Variants in KHDRBS2 observed in about 807,000 individuals in gnomAD.
The protein encoded by KHDRBS2 is KH domain-containing, RNA-binding, signal transduction-associated protein 2.
Under a neutral mutation model 44.3 loss-of-function variants are expected in KHDRBS2, and 26 were observed. The ratio of observed to expected loss-of-function variants is 0.59; its 90% CI spans 0.43 to 0.81. The LOEUF is 0.81. Ranked by LOEUF, KHDRBS2 falls within the 40% of genes least tolerant of loss-of-function variation. The pLI is 0.00. For synonymous variants in KHDRBS2, 194 were observed against 151.1 expected (o/e 1.28, Z -2.08); for missense variants, 476 against 433.1 (o/e 1.10, Z -0.88).
chr6:61,931,549 A>G (rs1810057187), intron 4 of KHDRBS2, among the ~76,000 whole-genome samples: 1 of 152,142 alleles, frequency 6.6e-6, no homozygotes, highest in Non-Finnish European at 1.5e-5. Context: ...GAAGAATTTA[A>G]GTGGTTTTAT....
chr6:61,689,561 C>G (rs1414384206), intron 8 of KHDRBS2, among the ~76,000 whole-genome samples: 1 of 151,924 alleles, frequency 6.6e-6, no homozygotes, highest in Non-Finnish European at 1.5e-5. Flanking sequence ...AAGTGTAAAT[C>G]TTAGCTCTTG....
chr6:61,716,730 C>A (rs1409371548), intron 7 of KHDRBS2, among the ~76,000 whole-genome samples: 3 of 151,988 alleles, frequency 2.0e-5, no homozygotes, highest in Non-Finnish European at 4.4e-5. Context: ...ATATGTTATT[C>A]ATATGTTAAA....
intron 2 of KHDRBS2, among the ~76,000 whole-genome samples, chr6:62,059,563 G>A (rs1194458783): frequency 6.6e-6 from 1 of 151,646 alleles, no homozygotes. Context: ...TCTAATCACA[G>A]ATAATTAGAA....
intron 6 of KHDRBS2, among the ~76,000 whole-genome samples, chr6:61,813,051 CA>C (rs1231539493): frequency 6.6e-6 from 1 of 151,724 alleles, no homozygotes; most frequent in East Asian, 1.9e-4. Context: ...ATGTAATGTG[CA>C]AAGTAAATGT....
chr6:62,252,680 T>TGA (rs1279298621), intron 1 of KHDRBS2, among the ~76,000 whole-genome samples: 1 of 152,048 alleles, frequency 6.6e-6, no homozygotes, highest in Admixed American at 6.6e-5. Flanking sequence ...CAATCTTTTA[T>TGA]GACAGCACTT....
intron 6 of KHDRBS2, among the ~76,000 whole-genome samples, chr6:61,822,072 C>T (rs895202543): frequency 6.6e-6 from 1 of 151,962 alleles, no homozygotes; most frequent in African/African-American, 2.4e-5. Context: ...TGATTCATTT[C>T]AATGACTTCC....
At chr6:61,701,207 T>A (rs1179544459) in intron 7 of KHDRBS2, among the ~76,000 whole-genome samples, 3 of 151,916 alleles carry the variant, frequency 2.0e-5, no homozygotes, top group Non-Finnish European at 4.4e-5. Context: ...CTTGCTACTT[T>A]TTAGAAAGGT....
chr6:61,637,420 A>T, the KHDRBS2 span, among the ~76,000 whole-genome samples: 99 of 152,124 alleles, frequency 6.5e-4, no homozygotes, highest in African/African-American at 2.2e-3. Flanking sequence ...CATTTTCTTA[A>T]TCCAGTCTAT....
intron 1 of KHDRBS2, among the ~76,000 whole-genome samples, chr6:62,182,075 C>A (rs903196542): frequency 6.6e-6 from 1 of 151,988 alleles, no homozygotes; most frequent in Non-Finnish European, 1.5e-5. Flanking sequence ...AATAAGCCCC[C>A]ACCAGAAACC....
At chr6:62,116,601 G>A (rs1167831883) in intron 2 of KHDRBS2, among the ~76,000 whole-genome samples, 2 of 152,096 alleles carry the variant, frequency 1.3e-5, no homozygotes, top group East Asian at 3.9e-4. Context: ...TTATGTCTTT[G>A]TGTTGGGAAC....
At chr6:61,801,796 C>T (rs1786326816) in intron 6 of KHDRBS2, among the ~76,000 whole-genome samples, 1 of 152,082 alleles carries the variant, frequency 6.6e-6, no homozygotes, top group African/African-American at 2.4e-5. Context: ...ATATTTCTGG[C>T]CATTTCTGGA....
chr6:61,899,739 C>CCCA (rs1554263667), intron 5 of KHDRBS2, among the ~76,000 whole-genome samples: 1 of 140,234 alleles, frequency 7.1e-6, no homozygotes, highest in Non-Finnish European at 1.6e-5. Context: ...TAATGCCCCC[C>CCCA]CCCCGCATTT....
chr6:61,683,029 AC>A (rs1302622031), intron 8 of KHDRBS2, among the ~76,000 whole-genome samples: 1 of 151,830 alleles, frequency 6.6e-6, no homozygotes, highest in Non-Finnish European at 1.5e-5. Flanking sequence ...AGAATGTACT[AC>A]TTTTTGCTCC....
intron 1 of KHDRBS2, among the ~76,000 whole-genome samples, chr6:62,224,725 G>T (rs1167599892): frequency 6.6e-6 from 1 of 152,138 alleles, no homozygotes; most frequent in Admixed American, 6.5e-5. Context: ...GTTTAAGAGT[G>T]GAAACATGGC....
chr6:61,880,728 A>C (rs1369978774), intron 6 of KHDRBS2, among the ~76,000 whole-genome samples: 2 of 151,880 alleles, frequency 1.3e-5, no homozygotes, highest in African/African-American at 4.8e-5. Flanking sequence ...CCTGCCTCCC[A>C]GTGTGTTTTC....
At chr6:61,790,428 G>C (rs1333944327) in intron 6 of KHDRBS2, among the ~76,000 whole-genome samples, 2 of 149,476 alleles carry the variant, frequency 1.3e-5, no homozygotes, top group Admixed American at 1.3e-4. Context: ...AAAAACAGCA[G>C]AGGCAGACAA....
chr6:61,788,745 T>A (rs1013977389), intron 6 of KHDRBS2, among the ~76,000 whole-genome samples: 2 of 151,256 alleles, frequency 1.3e-5, no homozygotes, highest in Non-Finnish European at 3.0e-5. Context: ...CAATTACAAG[T>A]TTTACTGAAA....
At chr6:61,791,591 T>C (rs1361254781) in intron 6 of KHDRBS2, among the ~76,000 whole-genome samples, 1 of 151,462 alleles carries the variant, frequency 6.6e-6, no homozygotes, top group African/African-American at 2.4e-5. Context: ...TGTTTTAGAG[T>C]CTTTTCATGA....
At chr6:61,638,298 C>T in the KHDRBS2 span, among the ~76,000 whole-genome samples, 1 of 151,748 alleles carries the variant, frequency 6.6e-6, no homozygotes, top group Non-Finnish European at 1.5e-5. Context: ...GGTACTGGTA[C>T]CAAAACAGAG....
Sources: gnomAD v4.1 joint callset for allele counts (sites outside exome capture counted in the v4.1 genomes callset) on GRCh38, gnomAD v4.1.1 for gene constraint, MANE v1.5 for transcripts, NCBI Gene and HGNC (gene_info 2026-07-23, HGNC 2026-07-21) for gene names.